The following CDH18 variants were observed in gnomAD, a reference collection of about 807,000 sequenced individuals.
CDH18 encodes the protein cadherin 18, also known as cadherin-18.
Under a neutral mutation model 67.9 loss-of-function variants are expected in CDH18, and 31 were observed. The ratio of observed to expected loss-of-function variants is 0.46; its 90% CI spans 0.34 to 0.62. The LOEUF (loss-of-function observed/expected upper bound fraction) is 0.62. CDH18 is among the 20% of genes least tolerant of loss of function. The pLI, the probability that CDH18 is intolerant of heterozygous loss-of-function variation, is 0.01. For missense variants in CDH18, 890 were observed against 975.5 expected, an observed-to-expected ratio of 0.91 and a Z score of 1.17; for synonymous variants, 362 against 347.2, an observed-to-expected ratio of 1.04 and a Z score of -0.48.
At chr5:20,419,479 T>G (rs1328154272) in intron 1 of CDH18, among the ~76,000 whole-genome samples, 2 of 79,782 alleles carry the variant, frequency 2.5e-5, no homozygotes, top group African/African-American at 7.7e-5. Flanking sequence ...TTTTTTTTTT[T>G]TTTTTTTTTT....
At chr5:19,681,697 A>C (rs1330487407) in intron 5 of CDH18, among the ~76,000 whole-genome samples, 2 of 151,974 alleles carry the variant, frequency 1.3e-5, no homozygotes, top group Non-Finnish European at 2.9e-5. Context: ...GTTACCTGAG[A>C]GAGAGAGATA....
At chr5:20,452,866 C>T (rs1297685115) in intron 1 of CDH18, among the ~76,000 whole-genome samples, 1 of 152,018 alleles carries the variant, frequency 6.6e-6, no homozygotes, top group African/African-American at 2.4e-5. Flanking sequence ...ATGTAAAAAG[C>T]TAATCAAACA....
At chr5:20,521,750 C>G (rs1212011158) in intron 1 of CDH18, among the ~76,000 whole-genome samples, 1 of 151,728 alleles carries the variant, frequency 6.6e-6, no homozygotes, top group East Asian at 1.9e-4. Flanking sequence ...ATTTCTGGAG[C>G]AAGGTTCTTG....
intron 2 of CDH18, among the ~76,000 whole-genome samples, chr5:19,962,377 G>GAAAAAAAAAAAAAAAA (rs1491148967): frequency 3.4e-4 from 1 of 2,904 alleles, no homozygotes; most frequent in Non-Finnish European, 1.2e-3. Flanking sequence ...ACGTCAAAAA[G>GAAAAAAAAAAAAAAAA]CAAAAAAAAA....
chr5:20,363,707 T>C (rs1336855806), intron 1 of CDH18, among the ~76,000 whole-genome samples: 9 of 115,554 alleles, frequency 7.8e-5, no homozygotes, highest in Non-Finnish European at 1.5e-4. Context: ...GATCCCACTT[T>C]AGCAAAGTTA....
intron 3 of CDH18, among the ~76,000 whole-genome samples, chr5:19,781,516 C>A (rs1201042841): frequency 6.6e-6 from 1 of 152,052 alleles, no homozygotes; most frequent in African/African-American, 2.4e-5. Context: ...CAAAACCAGG[C>A]ACTATGTAAG....
rs182320820 is a variant in CDH18 at position 20,122,034 on chromosome 5, C to T, written c.-517-130020G>A. On this transcript the variant is annotated intron_variant, in intron 2 of 14. Coordinates refer to the CDH18 transcript ENST00000507958. ...AGAACAGCACTGTTGATCCCTCCCCCCTCTCACAATGAAGTATGTAGAGAA... is the reference window on the plus strand; with the variant it reads ...AGAACAGCACTGTTGATCCCTCCCCTCTCTCACAATGAAGTATGTAGAGAA... Among the ~76,000 whole-genome samples, 286 of 152,248 alleles carry T rather than the reference C, an allele frequency of 1.9e-3. 3 individuals carry two copies. The highest frequency in any genetic ancestry group is 0.017 in the Admixed American group (257 of 15,290).
intron 11 of CDH18, among the ~76,000 whole-genome samples, chr5:19,484,530 G>A (rs546083110): frequency 5.3e-5 from 8 of 152,254 alleles, no homozygotes; most frequent in Non-Finnish European, 1.5e-5. Context: ...TGGATGTACT[G>A]TTCAGATCCC....
At chr5:19,855,999 A>G (rs1189633142) in intron 2 of CDH18, among the ~76,000 whole-genome samples, 1 of 152,210 alleles carries the variant, frequency 6.6e-6, no homozygotes, top group African/African-American at 2.4e-5. Context: ...GTTAAAGCCA[A>G]GGGAATGCTC....
intron 2 of CDH18, among the ~76,000 whole-genome samples, chr5:19,913,116 T>C (rs1579561386): frequency 6.6e-6 from 1 of 152,056 alleles, no homozygotes; most frequent in African/African-American, 2.4e-5. Context: ...AAAGCAAAAA[T>C]TGACATCTTG....
intron 2 of CDH18, among the ~76,000 whole-genome samples, chr5:19,878,368 C>G (rs1246148392): frequency 6.6e-6 from 1 of 151,846 alleles, no homozygotes; most frequent in Non-Finnish European, 1.5e-5. Context: ...TTATATTATT[C>G]TTTGCTACAA....
chr5:20,439,026 C>T (rs1277891218), intron 1 of CDH18, among the ~76,000 whole-genome samples: 1 of 151,142 alleles, frequency 6.6e-6, no homozygotes, highest in East Asian at 1.9e-4. Flanking sequence ...TCAATAAAAC[C>T]CTTGATTGCG....
chr5:20,558,659 A>C (rs114615605), intron 1 of CDH18, among the ~76,000 whole-genome samples: 2 of 152,060 alleles, frequency 1.3e-5, no homozygotes, highest in African/African-American at 4.8e-5. Flanking sequence ...GTTCAGCCCT[A>C]TTGTCCACAC....
chr5:20,465,014 T>C (rs1450588903), intron 1 of CDH18, among the ~76,000 whole-genome samples: 1 of 152,096 alleles, frequency 6.6e-6, no homozygotes, highest in Non-Finnish European at 1.5e-5. Flanking sequence ...TTGGTGACTA[T>C]TTGAGAGCAG....
intron 1 of CDH18, among the ~76,000 whole-genome samples, chr5:20,394,305 G>T (rs910487989): frequency 5.3e-5 from 8 of 151,966 alleles, no homozygotes; most frequent in African/African-American, 1.9e-4. Flanking sequence ...AACATATACT[G>T]GGAAAAGGAC....
At chr5:19,508,143 G>T (rs1744521453) in intron 10 of CDH18, among the ~76,000 whole-genome samples, 1 of 150,536 alleles carries the variant, frequency 6.6e-6, no homozygotes, top group East Asian at 1.9e-4. Context: ...GCTCTGTATT[G>T]GCATATTCAA....
intron 7 of CDH18, among the ~76,000 whole-genome samples, chr5:19,585,451 A>C (rs571113491): frequency 6.6e-6 from 1 of 152,294 alleles, no homozygotes; most frequent in Admixed American, 6.5e-5. Context: ...ACTTACCCGC[A>C]GTCATTTGCT....
chr5:20,560,468 T>TACATACACACACAC (rs1554019493), intron 1 of CDH18, among the ~76,000 whole-genome samples: 2 of 127,606 alleles, frequency 1.6e-5, no homozygotes, highest in African/African-American at 5.8e-5. Flanking sequence ...CCAACACTCA[T>TACATACACACACAC]ACACACACAC....
At chr5:19,630,542 C>T (rs1256817894) in intron 5 of CDH18, among the ~76,000 whole-genome samples, 1 of 151,812 alleles carries the variant, frequency 6.6e-6, no homozygotes, top group African/African-American at 2.4e-5. Context: ...TCAGGTGGTC[C>T]ATGATACTAG....
Sources: allele counts gnomAD v4.1 joint callset (sites outside exome capture counted in the v4.1 genomes callset), GRCh38; gene constraint gnomAD v4.1.1; transcripts MANE v1.5; gene names NCBI Gene and HGNC (gene_info 2026-07-23, HGNC 2026-07-21).